SNX18: variants seen among roughly 807,000 people sequenced by gnomAD.
The protein encoded by SNX18 is sorting nexin 18, also known as sorting nexin-18.
In SNX18, 35 loss-of-function variants were observed where a neutral mutation model predicts 48.7. That is an observed-to-expected ratio of 0.72 (90% CI 0.55 to 0.95). SNX18 has a LOEUF of 0.95. SNX18 is among the 40% of genes least tolerant of loss of function. The probability of loss-of-function intolerance (pLI) is 0.00; values close to 1 mark genes in which losing one functional copy is unlikely to be tolerated. For missense variants in SNX18, 824 were observed against 871.0 expected (o/e 0.95, Z 0.68); for synonymous variants, 492 against 384.7 (o/e 1.28, Z -3.26).
the SNX18 span, among the ~76,000 whole-genome samples, chr5:54,631,477 A>C: frequency 6.6e-6 from 1 of 152,234 alleles, no homozygotes; most frequent in Non-Finnish European, 1.5e-5. Flanking sequence ...TCTGTCAATA[A>C]ATAAATGCTG....
chr5:54,618,672 G>C, the SNX18 span, among the ~76,000 whole-genome samples: 3 of 152,132 alleles, frequency 2.0e-5, no homozygotes, highest in South Asian at 4.1e-4. Context: ...GTGAGAGAAG[G>C]GGTTGAGGTT....
the SNX18 span, among the ~76,000 whole-genome samples, chr5:54,555,963 G>C: frequency 6.6e-6 from 1 of 152,130 alleles, no homozygotes; most frequent in Non-Finnish European, 1.5e-5. Flanking sequence ...ATTAACTGAG[G>C]TTTCCTTGCT....
At chr5:54,647,729 G>T in the SNX18 span, among the ~76,000 whole-genome samples, 1 of 152,148 alleles carries the variant, frequency 6.6e-6, no homozygotes, top group Admixed American at 6.5e-5. Context: ...TGAACAGCAG[G>T]GGTTGAAAAC....
Position 54,519,247 on chromosome 5 carries a change from A to G in SNX18, c.1295A>G (p.Lys432Arg), listed in dbSNP as rs1258572136. 5 of 1,613,952 alleles carry G rather than the reference A, an allele frequency of 3.1e-6. No homozygotes were observed. The highest frequency in any genetic ancestry group is 3.3e-5 in the Admixed American group (2 of 60,002). Residue 432 changes from lysine to arginine, a missense_variant, in exon 1 of 2, where the codon AAG (lysine) becomes AGG (arginine). Lys to Arg is a conservative substitution (Grantham distance 26). This residue lies in a region of SNX18 where 443 missense variants were observed against 503.6 expected (regional missense o/e 0.88). Transcript: ENST00000381410. ...GTGGAGAGCAAGATCGACGGCTTCA[A>G]GTGCTTCACCAAGAAGATGGACGAC... ...QEVESKIDGF[K>R]CFTKKMDDSA...
the SNX18 span, among the ~76,000 whole-genome samples, chr5:54,581,454 C>T: frequency 6.6e-6 from 1 of 151,918 alleles, no homozygotes; most frequent in South Asian, 2.1e-4. Flanking sequence ...ATATGACTCC[C>T]CCGGCAAAAA....
the SNX18 span, among the ~76,000 whole-genome samples, chr5:54,637,798 G>A: frequency 2.0e-5 from 3 of 152,100 alleles, no homozygotes; most frequent in African/African-American, 7.3e-5. Flanking sequence ...CCCTCTGGAG[G>A]GGCCATACTC....
Position 54,518,581 on chromosome 5 carries a change from TC to T in SNX18, c.635del (p.Pro212ArgfsTer14). Reference protein sequence around the residue: ...DLSLGSRGGSVPPQHHPSGPK... With the variant: ...DLSLGSRGGSXPPQHHPSGPK... Reference sequence around the variant, plus strand: ...TCCCTGGGTTCCCGCGGCGGCTCGGTCCCCCCGCAGCACCACCCGTCGGGGC... The same window carrying T: ...TCCCTGGGTTCCCGCGGCGGCTCGGTCCCCCGCAGCACCACCCGTCGGGGC... On this transcript the variant is annotated frameshift_variant, in exon 1 of 2. Coordinates refer to ENST00000381410, the MANE Select transcript of SNX18 (RefSeq NM_001102575.2). LOFTEE classifies it high-confidence loss of function. 1.9e-6 allele frequency: 3 copies of T among 1,579,726 alleles called. No individual in the cohort carries two copies. The highest frequency in any genetic ancestry group is 2.6e-6 in the Non-Finnish European group (3 of 1,163,700).
At chr5:54,610,714 G>GAT in the SNX18 span, among the ~76,000 whole-genome samples, 1 of 152,194 alleles carries the variant, frequency 6.6e-6, no homozygotes, top group Non-Finnish European at 1.5e-5. Flanking sequence ...GCAGAAGAAT[G>GAT]TGGTCCCTGA....
intron 1 of SNX18, among the ~76,000 whole-genome samples, chr5:54,525,362 G>C (rs969959161): frequency 1.3e-5 from 2 of 148,464 alleles, no homozygotes; most frequent in African/African-American, 5.0e-5. Context: ...GCAACACAGT[G>C]AGACCTTGTC....
the SNX18 span, among the ~76,000 whole-genome samples, chr5:54,631,190 A>C: frequency 6.6e-6 from 1 of 152,234 alleles, no homozygotes; most frequent in Non-Finnish European, 1.5e-5. Flanking sequence ...GTCCCCAGCC[A>C]AAACTAACAG....
At chr5:54,640,422 C>T in the SNX18 span, among the ~76,000 whole-genome samples, 1 of 151,930 alleles carries the variant, frequency 6.6e-6, no homozygotes, top group Non-Finnish European at 1.5e-5. Flanking sequence ...TGGGGTTTTG[C>T]CATGTTGCCC....
chr5:54,646,268 A>T, the SNX18 span, among the ~76,000 whole-genome samples: 1 of 152,336 alleles, frequency 6.6e-6, no homozygotes, highest in South Asian at 2.1e-4. Context: ...TATGGCTTTA[A>T]TCTTTTTTCT....
intron 1 of SNX18, among the ~76,000 whole-genome samples, chr5:54,524,018 T>C (rs2112840114): frequency 6.6e-6 from 1 of 152,274 alleles, no homozygotes; most frequent in Admixed American, 6.5e-5. Context: ...ATTGAGGCTG[T>C]TCATTCTTTT....
rs769431195 is a variant in SNX18, at chr5:54,519,591, G to A, written c.1621+18G>A. ...TCAGAAAGGTAAAGCCTGGCCCTTA[G>A]AGCAGGTGATATGGAGTGTATTGTG... On this transcript the variant is annotated intron_variant, in intron 1 of 1. Coordinates refer to ENST00000381410, the MANE Select transcript of SNX18 (RefSeq NM_001102575.2). 1.4e-5 allele frequency: 22 copies of A among 1,614,230 alleles called. No individual in the cohort carries two copies. The highest frequency in any genetic ancestry group is 1.8e-5 in the Non-Finnish European group (21 of 1,180,042).
chr5:54,520,868 C>G (rs1287870906), intron 1 of SNX18: 2 of 167,094 alleles, frequency 1.2e-5, no homozygotes, highest in Non-Finnish European at 2.9e-5. Context: ...AGGGAGTACC[C>G]TGGACATCAG....
the SNX18 span, among the ~76,000 whole-genome samples, chr5:54,620,207 T>G: frequency 2.2e-4 from 33 of 152,134 alleles, no homozygotes; most frequent in African/African-American, 8.0e-4. Flanking sequence ...TGACTCCTTG[T>G]GGAGCTGTGG....
chr5:54,542,607 T>C (rs1580110183), intron 1 of SNX18, among the ~76,000 whole-genome samples: 2 of 152,324 alleles, frequency 1.3e-5, no homozygotes, highest in African/African-American at 2.4e-5. Context: ...TGACCTCCAA[T>C]TGTAGACTGG....
At chr5:54,567,484 G>A in the SNX18 span, among the ~76,000 whole-genome samples, 1 of 152,138 alleles carries the variant, frequency 6.6e-6, no homozygotes, top group Non-Finnish European at 1.5e-5. Context: ...TGTGGGTATT[G>A]TAGAAATTCT....
intron 1 of SNX18, among the ~76,000 whole-genome samples, chr5:54,528,820 G>A (rs778765196): frequency 1.1e-4 from 16 of 152,160 alleles, no homozygotes; most frequent in African/African-American, 9.7e-5. Flanking sequence ...CGGCAGAGTC[G>A]GGGAAGGGCA....
Sources: allele counts gnomAD v4.1 joint callset (sites outside exome capture counted in the v4.1 genomes callset), GRCh38; gene constraint gnomAD v4.1.1; regional missense constraint gnomAD v4.1.1; transcripts MANE v1.5; gene names NCBI Gene and HGNC (gene_info 2026-07-23, HGNC 2026-07-21).